OR2C1: variants seen among roughly 807,000 people sequenced by gnomAD.
The protein encoded by OR2C1 is olfactory receptor 2C1.
For synonymous variants in OR2C1, 209 were observed against 167.3 expected, an observed-to-expected ratio of 1.25 and a Z score of -1.92; for missense variants, 468 against 388.3, an observed-to-expected ratio of 1.21 and a Z score of -1.73.
chr16:3,352,620 G>A (rs2030589694), upstream of OR2C1, among the ~76,000 whole-genome samples: 1 of 151,534 alleles, frequency 6.6e-6, no homozygotes, highest in South Asian at 2.1e-4. Context: ...TCTAGTTCTT[G>A]AATTCTAAGA....
rs1596414875 is a variant in OR2C1 at position 3,355,989 on chromosome 16, A to G, written c.49A>G (p.Ile17Val). The change falls in exon 1 of 1, where the codon ATA becomes GTA. Residue 17 changes from isoleucine to valine, a missense_variant. By Grantham distance (29) the Ile-to-Val change is conservative (BLOSUM62 3). Transcript: ENST00000304936. ...CTTGCAGGGCTTTGTTCTGATGGGC[A>G]TATCAGACCATCCCCAGCTGGAGAT... ...SSLQGFVLMG[I>V]SDHPQLEMIF... 5 of 1,613,870 alleles carry G rather than the reference A, an allele frequency of 3.1e-6. No homozygotes were observed. Among genetic ancestry groups the G allele is most frequent in the East Asian group, 4.5e-5 (2 of 44,872 alleles).
At chr16:3,350,032 A>G in the OR2C1 span, among the ~76,000 whole-genome samples, 1 of 150,942 alleles carries the variant, frequency 6.6e-6, no homozygotes, top group South Asian at 2.1e-4. Flanking sequence ...GGAAGGAAAA[A>G]TACTCAAACT....
chr16:3,332,403 A>T, the OR2C1 span, among the ~76,000 whole-genome samples: 23 of 152,132 alleles, frequency 1.5e-4, no homozygotes, highest in African/African-American at 5.5e-4. Flanking sequence ...GAAAAGTGTA[A>T]TAGATTATTG....
the OR2C1 span, among the ~76,000 whole-genome samples, chr16:3,329,301 A>G: frequency 6.6e-6 from 1 of 151,948 alleles, no homozygotes; most frequent in Non-Finnish European, 1.5e-5. Flanking sequence ...AAAAATAAAC[A>G]ATAATTAATA....
chr16:3,342,081 T>C, the OR2C1 span, among the ~76,000 whole-genome samples: 1 of 152,072 alleles, frequency 6.6e-6, no homozygotes, highest in Non-Finnish European at 1.5e-5. Flanking sequence ...ACAAACCCCA[T>C]CTCTACTAAA....
the OR2C1 span, among the ~76,000 whole-genome samples, chr16:3,329,816 G>A: frequency 7.7e-6 from 1 of 129,910 alleles, no homozygotes; most frequent in Non-Finnish European, 1.6e-5. Context: ...GTGCAGTGGC[G>A]CAATCTCAGC....
rs1030015504 is a variant in OR2C1 at position 3,356,965 on chromosome 16, A to G, written c.*86A>G. The G allele has an allele frequency of 4.2e-6, 5 of 1,197,846 alleles. No individual in the cohort carries two copies. The African/African-American group carries it at 6.2e-5, about 15-fold the overall frequency. The allele number at this position is 1,197,846 out of a possible 1,614,324, so 74.2% of individuals were successfully genotyped here. ...CTCTGGCCAGGTGAACATGAGGAATACTAATTCCGGTAAAACCAAGGCATG... is the reference window on the plus strand; with the variant it reads ...CTCTGGCCAGGTGAACATGAGGAATGCTAATTCCGGTAAAACCAAGGCATG... On this transcript the variant is annotated 3_prime_UTR_variant, in exon 1 of 1. Transcript: ENST00000304936.
the OR2C1 span, among the ~76,000 whole-genome samples, chr16:3,338,538 CTTTT>C: frequency 2.2e-4 from 23 of 103,336 alleles, no homozygotes; most frequent in Admixed American, 6.2e-4. Context: ...GTATAGGTAC[CTTTT>C]TTTTTTTTTT....
chr16:3,342,618 G>T, the OR2C1 span, among the ~76,000 whole-genome samples: 1 of 152,130 alleles, frequency 6.6e-6, no homozygotes, highest in Admixed American at 6.6e-5. Flanking sequence ...AGTGACTCAC[G>T]CCCGTAATGC....
the OR2C1 span, among the ~76,000 whole-genome samples, chr16:3,325,460 A>AATATATATAT: frequency 5.4e-4 from 50 of 93,146 alleles, 1 homozygote; most frequent in Non-Finnish European, 6.3e-4. Flanking sequence ...TATGTCTAAA[A>AATATATATAT]ATATATATAT....
At chr16:3,332,864 A>T in the OR2C1 span, among the ~76,000 whole-genome samples, 1 of 152,104 alleles carries the variant, frequency 6.6e-6, no homozygotes, top group Admixed American at 6.6e-5. Context: ...TCTTCAATAT[A>T]TTGACTTCCT....
the OR2C1 span, among the ~76,000 whole-genome samples, chr16:3,338,054 G>C: frequency 9.9e-5 from 15 of 152,278 alleles, no homozygotes; most frequent in African/African-American, 3.4e-4. Context: ...TTGCAGCACT[G>C]ACCTTTCTGA....
the OR2C1 span, among the ~76,000 whole-genome samples, chr16:3,328,197 C>T: frequency 4.6e-5 from 7 of 152,174 alleles, no homozygotes; most frequent in African/African-American, 1.7e-4. Flanking sequence ...CTACAAACTG[C>T]TGTGAAAGAT....
At chr16:3,352,366 C>A (rs138382287), upstream of OR2C1, among the ~76,000 whole-genome samples, 217 of 152,238 alleles carry the variant, frequency 1.4e-3, no homozygotes, top group African/African-American at 4.5e-3. Context: ...CCACCCGCCT[C>A]GGCCTCCCAA....
At chr16:3,351,032 C>T (rs559961506), upstream of OR2C1, among the ~76,000 whole-genome samples, 3 of 127,320 alleles carry the variant, frequency 2.4e-5, no homozygotes, top group South Asian at 5.2e-4. Context: ...GAGACCCTGA[C>T]TCAAAAAAAA....
At chr16:3,354,161 TA>T (rs2030622437), upstream of OR2C1, among the ~76,000 whole-genome samples, 1 of 152,084 alleles carries the variant, frequency 6.6e-6, no homozygotes, top group Non-Finnish European at 1.5e-5. Flanking sequence ...TTTTTTGTAT[TA>T]TTAGTAGAGA....
chr16:3,343,597 C>T, the OR2C1 span, among the ~76,000 whole-genome samples: 39,969 of 151,854 alleles, frequency 0.26, 5,443 homozygotes, highest in African/African-American at 0.3. Flanking sequence ...ACTAAAAATA[C>T]AAAAATTAGC....
the OR2C1 span, chr16:3,323,740 C>A: frequency 1.5e-6 from 1 of 686,968 alleles, no homozygotes; most frequent in South Asian, 1.6e-5. Context: ...TGTCACATTT[C>A]TGCCACCAGG....
the OR2C1 span, among the ~76,000 whole-genome samples, chr16:3,349,736 T>G: frequency 6.6e-6 from 1 of 151,828 alleles, no homozygotes; most frequent in Admixed American, 6.6e-5. Flanking sequence ...AATAGCTTTT[T>G]AAAGGCACTG....
Sources: allele counts gnomAD v4.1 joint callset (sites outside exome capture counted in the v4.1 genomes callset), GRCh38; gene constraint gnomAD v4.1.1; transcripts MANE v1.5; gene names NCBI Gene and HGNC (gene_info 2026-07-23, HGNC 2026-07-21).